ZNF678: variants seen among roughly 807,000 people sequenced by gnomAD.
ZNF678 encodes the protein hypothetical protein MGC42493.
Under a neutral mutation model 3.0 loss-of-function variants are expected in ZNF678, and 5 were observed. The observed-to-expected ratio is 1.69, with a 90% CI of 0.88 to 3.56. ZNF678 has a LOEUF of 3.56. ZNF678 is among the 30% of genes most tolerant of loss of function. ZNF678 has a pLI of 0.00. For missense variants in ZNF678, 593 were observed against 605.0 expected, an observed-to-expected ratio of 0.98 and a Z score of 0.21; for synonymous variants, 218 against 199.6, an observed-to-expected ratio of 1.09 and a Z score of -0.78.
chr1:227,583,352 CTTTTTTT>C (rs796974595), intron 1 of ZNF678, among the ~76,000 whole-genome samples: 67 of 131,908 alleles, frequency 5.1e-4, no homozygotes, highest in Non-Finnish European at 5.7e-4. Context: ...TTTCTTTTTT[CTTTTTTT>C]TTTTTTTTTT....
Position 227,566,482 on chromosome 1 carries a change from G to A in ZNF678, c.-164+2758G>A, listed in dbSNP as rs138882988. 2.9e-3 allele frequency among the ~76,000 whole-genome samples: 435 copies of A among 152,294 alleles called. 1 individual carries two copies. Among genetic ancestry groups the A allele is most frequent in the African/African-American group, 9.9e-3 (412 of 41,546 alleles). ...AAGCAAAACATCCCTGGGGCACACC[G>A]TGAGGCACAGTGCAGTGTCTCCAGA... On this transcript the variant is annotated intron_variant, in intron 1 of 3. Transcript: ENST00000343776.
At chr1:227,634,468 T>G (rs148647080) in intron 1 of ZNF678, among the ~76,000 whole-genome samples, 8 of 152,308 alleles carry the variant, frequency 5.3e-5, no homozygotes, top group South Asian at 2.1e-4. Context: ...TTTCTGGACC[T>G]TCCCTTGGGA....
intron 1 of ZNF678, among the ~76,000 whole-genome samples, chr1:227,633,879 A>T (rs769283743): frequency 4.6e-5 from 7 of 152,300 alleles, no homozygotes; most frequent in Admixed American, 6.5e-5. Context: ...GCCCACTGAT[A>T]CATGAGCTAG....
At chr1:227,574,441 AT>A (rs1393643739) in intron 1 of ZNF678, among the ~76,000 whole-genome samples, 2 of 152,188 alleles carry the variant, frequency 1.3e-5, no homozygotes, top group African/African-American at 4.8e-5. Flanking sequence ...GCATTTTGAA[AT>A]ATGATTTTTG....
At chr1:227,591,112 C>T (rs917667570) in intron 1 of ZNF678, among the ~76,000 whole-genome samples, 2 of 151,734 alleles carry the variant, frequency 1.3e-5, no homozygotes, top group East Asian at 3.9e-4. Context: ...TCTTGTTTTT[C>T]TTGGAATTTT....
chr1:227,568,873 C>CCA (rs748271200), intron 1 of ZNF678, among the ~76,000 whole-genome samples: 1 of 152,158 alleles, frequency 6.6e-6, no homozygotes, highest in Non-Finnish European at 1.5e-5. Context: ...TCAGGAAACT[C>CCA]CACACATCTG....
chr1:227,603,674 G>T (rs1178538656), intron 1 of ZNF678, among the ~76,000 whole-genome samples: 1 of 152,202 alleles, frequency 6.6e-6, no homozygotes, highest in Non-Finnish European at 1.5e-5. Context: ...GGAAGATGTG[G>T]ACTGGTGCCT....
intron 1 of ZNF678, among the ~76,000 whole-genome samples, chr1:227,632,086 T>C (rs1283798269): frequency 6.6e-6 from 1 of 152,314 alleles, no homozygotes; most frequent in East Asian, 1.9e-4. Context: ...GCAATCTTCC[T>C]AGCCATTTAC....
intron 1 of ZNF678, among the ~76,000 whole-genome samples, chr1:227,568,858 G>A (rs12122398): frequency 0.2 from 29,687 of 152,122 alleles, 3,060 homozygotes; most frequent in East Asian, 0.25. Flanking sequence ...AGAACTGGTT[G>A]GTGATCAGGA....
At chr1:227,598,687 TC>T in intron 1 of ZNF678, 1 of 525,166 alleles carries the variant, frequency 1.9e-6, no homozygotes, top group Non-Finnish European at 3.5e-6. Context: ...GACTTCTTTT[TC>T]TTTTTTAAAC....
At chr1:227,673,258 A>G (rs1376491795) in intron 5 of ZNF678, among the ~76,000 whole-genome samples, 1 of 152,200 alleles carries the variant, frequency 6.6e-6, no homozygotes, top group Non-Finnish European at 1.5e-5. Flanking sequence ...CTGGTTGTAG[A>G]TAACCCACCA....
Position 227,659,628 on chromosome 1 carries a change from A to G in ZNF678, c.*3800A>G, listed in dbSNP as rs1380329895. On this transcript the variant is annotated 3_prime_UTR_variant, in exon 4 of 4. Transcript: ENST00000343776. ...TTATGGCTGATAAGTAGACATTTTTAAAAATCATAAAAACTGTATTTTCTA... is the reference window on the plus strand; with the variant it reads ...TTATGGCTGATAAGTAGACATTTTTGAAAATCATAAAAACTGTATTTTCTA... 1 of 143,100 alleles carries G rather than the reference A, an allele frequency of 7.0e-6. No individual in the cohort carries two copies. Among genetic ancestry groups the G allele is most frequent in the African/African-American group, 2.7e-5 (1 of 36,668 alleles). 8.9% of individuals were successfully genotyped at this position (143,100 alleles called of 1,614,324 possible).
At chr1:227,667,603 T>A (rs899018999) in intron 5 of ZNF678, among the ~76,000 whole-genome samples, 6 of 152,208 alleles carry the variant, frequency 3.9e-5, no homozygotes, top group African/African-American at 1.2e-4. Context: ...TGATAGCTGT[T>A]TTCTCACATA....
At chr1:227,575,770 C>G (rs1331978560) in intron 1 of ZNF678, among the ~76,000 whole-genome samples, 1 of 152,118 alleles carries the variant, frequency 6.6e-6, no homozygotes, top group African/African-American at 2.4e-5. Context: ...GCCAGGACTT[C>G]CATTACTATG....
At position 227,662,040 on chromosome 1, in the gene ZNF678, G is replaced by A. The variant is rs1659419083; in HGVS notation, c.*6212G>A. ...AGGAAATTCCAATACATCAGTGCAT[G>A]TGGAGGACATGAGTATTTAAGGAGA... On this transcript the variant is annotated 3_prime_UTR_variant, in exon 4 of 4. Transcript: ENST00000343776. The A allele has an allele frequency of 6.6e-6, 1 of 152,226 alleles. No homozygotes were observed. The highest frequency in any genetic ancestry group is 6.5e-5 in the Admixed American group (1 of 15,270). The allele number at this position is 152,226 out of a possible 1,614,324, so 9.4% of individuals were successfully genotyped here.
chr1:227,597,734 T>A (rs1175109153), intron 1 of ZNF678, among the ~76,000 whole-genome samples: 1 of 152,180 alleles, frequency 6.6e-6, no homozygotes, highest in Middle Eastern at 3.2e-3. Context: ...TAAATAGCTA[T>A]TTTACTTAAT....
intron 5 of ZNF678, among the ~76,000 whole-genome samples, chr1:227,672,608 T>C (rs1659620230): frequency 1.3e-5 from 2 of 152,038 alleles, no homozygotes; most frequent in Non-Finnish European, 2.9e-5. Context: ...TCCTCTCAGC[T>C]AGGAAAAGCC....
intron 1 of ZNF678, among the ~76,000 whole-genome samples, chr1:227,635,340 T>C (rs186329799): frequency 4.6e-5 from 7 of 152,350 alleles, no homozygotes; most frequent in African/African-American, 1.7e-4. Context: ...AGAATTTCTT[T>C]TGGAGAGAAG....
chr1:227,586,797 G>GT (rs1377754683), intron 1 of ZNF678, among the ~76,000 whole-genome samples: 1 of 152,182 alleles, frequency 6.6e-6, no homozygotes, highest in Non-Finnish European at 1.5e-5. Flanking sequence ...GGCATCATGT[G>GT]TTTGGTCATA....
Sources: gnomAD v4.1 joint callset for allele counts (sites outside exome capture counted in the v4.1 genomes callset) on GRCh38, gnomAD v4.1.1 for gene constraint, MANE v1.5 for transcripts, NCBI Gene and HGNC (gene_info 2026-07-23, HGNC 2026-07-21) for gene names.